The following SEMA5B variants were observed in gnomAD, a reference collection of about 807,000 sequenced individuals.
SEMA5B encodes semaphorin-5B.
In SEMA5B, 66 loss-of-function variants were observed where a neutral mutation model predicts 135.0. The observed-to-expected ratio is 0.49, with a 90% CI of 0.40 to 0.60. The LOEUF (loss-of-function observed/expected upper bound fraction) is 0.60, where lower values mean the gene tolerates loss of function less well. Ranked by LOEUF, SEMA5B falls within the 20% of genes least tolerant of loss-of-function variation. The pLI, the probability that SEMA5B is intolerant of heterozygous loss-of-function variation, is 0.00. For synonymous variants in SEMA5B, 690 were observed against 639.5 expected, an observed-to-expected ratio of 1.08 and a Z score of -1.19; for missense variants, 1,501 against 1,566.3, an observed-to-expected ratio of 0.96 and a Z score of 0.70.
chr3:123,007,733 T>C (rs577621745), intron 1 of SEMA5B, among the ~76,000 whole-genome samples: 1 of 152,334 alleles, frequency 6.6e-6, no homozygotes, highest in East Asian at 1.9e-4. Flanking sequence ...AGGCCCTCAC[T>C]AGATGCAGTC....
At chr3:122,910,445 G>C (rs1483658038) in intron 22 of SEMA5B, 144 bp from the exon 23 acceptor site, 1 of 819,570 alleles carries the variant, frequency 1.2e-6, no homozygotes, top group African/African-American at 1.7e-5. Flanking sequence ...CCACTGCCCA[G>C]TTCCACCCAG....
chr3:122,976,909 G>C (rs1185941521), intron 1 of SEMA5B, among the ~76,000 whole-genome samples: 1 of 152,142 alleles, frequency 6.6e-6, no homozygotes, highest in Non-Finnish European at 1.5e-5. Flanking sequence ...AATTAGCCAG[G>C]CATGGTGGCA....
intron 1 of SEMA5B, chr3:122,975,991 C>T: frequency 6.5e-7 from 1 of 1,535,048 alleles, no homozygotes; most frequent in Non-Finnish European, 8.7e-7. Flanking sequence ...ATGTCATGCA[C>T]TTGCCCACCT....
chr3:122,976,070 G>T lies in SEMA5B; in HGVS notation c.-38-14769C>A, dbSNP rs773446160. 3.3e-6 allele frequency: 5 copies of T among 1,535,182 alleles called. No individual in the cohort carries two copies. The African/African-American group carries it at 5.5e-5, about 17-fold the overall frequency. ...TCCCAAATGCCAGCTCATCTATGAA[G>T]CTCCTTCTGACCCTCACGCAGCCAA... On this transcript the variant is annotated intron_variant, in intron 1 of 22. Coordinates refer to ENST00000357599, the MANE Select transcript of SEMA5B (RefSeq NM_001031702.4).
At position 122,926,501 on chromosome 3, in the gene SEMA5B, G is replaced by A. The variant is rs370951942; in HGVS notation, c.1027C>T (p.Arg343Trp). Reference protein sequence around the residue: ...EDTWTTFMKARLNCSRPGEVP... With the variant: ...EDTWTTFMKAWLNCSRPGEVP... ...TCGCCCGGGCGGGAGCAGTTGAGCC[G>A]GGCCTTCATGAATGTGGTCCATGTG... Residue 343 changes from arginine (R) to tryptophan (W), a missense_variant, in exon 9 of 23, where the codon CGG becomes TGG. Arg to Trp is a moderately radical substitution (Grantham distance 101, BLOSUM62 -3). Transcript: ENST00000357599. 9.3e-6 allele frequency: 15 copies of A among 1,614,194 alleles called. No homozygotes were observed. Among genetic ancestry groups the A allele is most frequent in the East Asian group, 6.7e-5 (3 of 44,882 alleles).
chr3:122,910,825 A>AAAGAAGG lies in SEMA5B; in HGVS notation c.3297+8_3297+14dup, dbSNP rs1400611532. The AAAGAAGG allele has an allele frequency of 6.4e-7, 1 of 1,558,020 alleles. No homozygotes were observed. Among genetic ancestry groups the AAAGAAGG allele is most frequent in the Non-Finnish European group, 8.6e-7 (1 of 1,156,374 alleles). On this transcript the variant is annotated intron_variant, in intron 22 of 22. Transcript: ENST00000357599. ...ACTCCGTCTCAAAAAAAAAAAAAAA[A>AAAGAAGG]AAGAAGGCTCCCACCTTGAATTCCA... is the stretch of plus-strand genomic sequence containing the variant.
intron 1 of SEMA5B, among the ~76,000 whole-genome samples, chr3:122,967,549 T>C (rs1940919813): frequency 6.6e-6 from 1 of 152,190 alleles, no homozygotes; most frequent in Admixed American, 6.5e-5. Flanking sequence ...CTCACCACCA[T>C]TCCAAAGCTC....
At chr3:122,934,743 T>G (rs1486532868) in intron 5 of SEMA5B, among the ~76,000 whole-genome samples, 2 of 152,078 alleles carry the variant, frequency 1.3e-5, no homozygotes, top group African/African-American at 4.8e-5. Context: ...CAGCCTGGTA[T>G]GGTGGCTTAT....
At chr3:122,962,246 G>A (rs1450920485) in intron 1 of SEMA5B, among the ~76,000 whole-genome samples, 1 of 152,204 alleles carries the variant, frequency 6.6e-6, no homozygotes, top group Admixed American at 6.5e-5. Context: ...ATTCCCACTT[G>A]GCAAACACAT....
At chr3:122,939,107 T>G (rs1366758584) in intron 5 of SEMA5B, among the ~76,000 whole-genome samples, 1 of 152,236 alleles carries the variant, frequency 6.6e-6, no homozygotes, top group Admixed American at 6.5e-5. Flanking sequence ...CTGGAAGTTC[T>G]GCATTCTCAG....
Position 122,927,984 on chromosome 3 carries a change from G to A in SEMA5B, c.656C>T (p.Thr219Ile), listed in dbSNP as rs1054340200. ...GGCCACACCATTGATCTTCTCAATA[G>A]TCCGGCTGAGGTTCCCCACCTGGGG... ...TSRQVGNLSR[T>I]IEKINGVARC... Residue 219 changes from threonine (T) to isoleucine (I), a missense_variant, in exon 8 of 23, where the codon ACT (threonine) becomes ATT (isoleucine). Physicochemically the swap from Thr to Ile is moderately conservative, Grantham distance 89. This residue lies in a region of SEMA5B where 574 missense variants were observed against 684.7 expected (regional missense o/e 0.84). Transcript: ENST00000357599. 1 of 1,483,796 alleles carries A rather than the reference G, an allele frequency of 6.7e-7. No individual in the cohort carries two copies. The highest frequency in any genetic ancestry group is 9.0e-7 in the Non-Finnish European group (1 of 1,111,936). The allele number at this position is 1,483,796 out of a possible 1,614,324, so 91.9% of individuals were successfully genotyped here. A position where few individuals can be genotyped will look rare whatever the true frequency, so the allele number is the denominator to read the frequency against.
chr3:123,024,722 T>C (rs866172075), intron 1 of SEMA5B, among the ~76,000 whole-genome samples: 8 of 152,272 alleles, frequency 5.3e-5, no homozygotes, highest in Non-Finnish European at 7.4e-5. Context: ...ATCCCCAAGG[T>C]ACAGGGAGAC....
At chr3:122,932,854 G>A (rs1939050026) in intron 5 of SEMA5B, among the ~76,000 whole-genome samples, 1 of 152,120 alleles carries the variant, frequency 6.6e-6, no homozygotes, top group South Asian at 2.1e-4. Flanking sequence ...AAGTAGCTGG[G>A]AACACAAGTG....
rs756304873 is a variant in SEMA5B, at chr3:122,948,032, A to T, written c.328+474T>A. Among the ~76,000 whole-genome samples, 3 of 152,280 alleles carry T rather than the reference A, an allele frequency of 2.0e-5. No homozygotes were observed. The South Asian group carries it at 6.2e-4, about 32-fold the overall frequency. ...GGAAACACTTTCATAGGACTTTCTC[A>T]TACCCTCCCTTGACAAATAGAAGGA... is the stretch of plus-strand genomic sequence containing the variant. On this transcript the variant is annotated intron_variant, in intron 3 of 22. Transcript: ENST00000357599.
At chr3:123,014,681 C>T (rs1942513725) in intron 1 of SEMA5B, among the ~76,000 whole-genome samples, 1 of 152,190 alleles carries the variant, frequency 6.6e-6, no homozygotes. Context: ...AGAGCAATAG[C>T]ACATACGTTG....
chr3:122,910,367 A>T, intron 22 of SEMA5B, 66 bp from the exon 23 acceptor site: 1 of 1,554,484 alleles, frequency 6.4e-7, no homozygotes, highest in South Asian at 1.2e-5. Flanking sequence ...AACAGGCCAG[A>T]GCAAGGAGTC....
chr3:123,007,461 C>A (rs1318681135), intron 1 of SEMA5B, among the ~76,000 whole-genome samples: 2 of 152,174 alleles, frequency 1.3e-5, no homozygotes, highest in Admixed American at 6.5e-5. Context: ...GTCTGAACAA[C>A]CCCTTCAAAT....
intron 1 of SEMA5B, chr3:122,976,198 G>T: frequency 2.0e-6 from 3 of 1,503,110 alleles, no homozygotes; most frequent in South Asian, 1.3e-5. Flanking sequence ...CTCAAAATGT[G>T]CTCCTAGGAC....
At chr3:122,995,219 G>A (rs1007005502) in intron 1 of SEMA5B, among the ~76,000 whole-genome samples, 2 of 152,198 alleles carry the variant, frequency 1.3e-5, no homozygotes, top group African/African-American at 4.8e-5. Context: ...TGGGAAAAAT[G>A]TTAGTCTGGG....
Sources: allele counts gnomAD v4.1 joint callset (sites outside exome capture counted in the v4.1 genomes callset), GRCh38; gene constraint gnomAD v4.1.1; regional missense constraint gnomAD v4.1.1; transcripts MANE v1.5; gene names NCBI Gene and HGNC (gene_info 2026-07-23, HGNC 2026-07-21).